Variants in MGAM2 observed in about 807,000 individuals in gnomAD.
MGAM2 encodes the protein maltase-glucoamylase 2 (putative).
MGAM2 carries 98 observed loss-of-function variants against 96.1 expected under a neutral mutation model. The observed-to-expected ratio is 1.02, with a 90% confidence interval of 0.87 to 1.21. The LOEUF is 1.21. MGAM2 is among the 50% of genes most tolerant of loss of function. The probability of loss-of-function intolerance (pLI) is 0.00; values close to 1 mark genes in which losing one functional copy is unlikely to be tolerated. For synonymous variants in MGAM2, 749 were observed against 414.8 expected, an observed-to-expected ratio of 1.81 and a Z score of -9.79; for missense variants, 2,055 against 1,182.4, an observed-to-expected ratio of 1.74 and a Z score of -10.82.
chr7:142,183,143 C>T (rs1299300504), intron 32 of MGAM2, 123 bp from the exon 33 acceptor site: 1 of 580,722 alleles, frequency 1.7e-6, no homozygotes, highest in East Asian at 2.8e-5. Flanking sequence ...TATTTTATTT[C>T]ATTTTATTTT....
chr7:142,186,142 GTC>G lies in MGAM2; in HGVS notation c.4122+21_4122+22del. On this transcript the variant is annotated intron_variant, in intron 35 of 47. Transcript: ENST00000477922. ...GTGGATTGTAAGTGCACCCTTGGTTGTCTTTTTTTTTTTTTTGGAAATGTTAG... is the reference window on the plus strand; with the variant it reads ...GTGGATTGTAAGTGCACCCTTGGTTGTTTTTTTTTTTTTTGGAAATGTTAG... 1 of 654,128 alleles carries G rather than the reference GTC, an allele frequency of 1.5e-6. No homozygotes were observed. The highest frequency in any genetic ancestry group is 2.7e-6 in the Non-Finnish European group (1 of 368,748). The allele number at this position is 654,128 out of a possible 1,614,324, so 40.5% of individuals were successfully genotyped here. A position where few individuals can be genotyped will look rare whatever the true frequency, so the allele number is the denominator to read the frequency against.
Position 142,187,750 on chromosome 7 carries a change from G to A in MGAM2, c.4123G>A (p.Asp1375Asn), listed in dbSNP as rs866169314. Reference protein sequence around the residue: ...KSLKFDGLWIDMNEPSNFVDG... With the variant: ...KSLKFDGLWINMNEPSNFVDG... ...ATCTTTTTTTGTTAACTCATTTCAG[G>A]ATATGAATGAGCCATCAAATTTTGT... Residue 1375 changes from aspartate to asparagine, a missense_variant and splice_region_variant, in exon 36 of 48, where the codon GAT becomes AAT. Physicochemically the swap from Asp to Asn is conservative, Grantham distance 23 (BLOSUM62 1). Coordinates refer to ENST00000477922, the MANE Select transcript of MGAM2 (RefSeq NM_001293626.2). 1.4e-6 allele frequency: 1 copy of A among 702,482 alleles called. No individual in the cohort carries two copies. The highest frequency in any genetic ancestry group is 2.6e-6 in the Non-Finnish European group (1 of 384,750). 43.5% of individuals were successfully genotyped at this position (702,482 alleles called of 1,614,324 possible).
chr7:142,193,104 A>G (rs1796922751), intron 37 of MGAM2, among the ~76,000 whole-genome samples: 1 of 152,066 alleles, frequency 6.6e-6, no homozygotes, highest in Non-Finnish European at 1.5e-5. Context: ...CTCATATTCA[A>G]GCTGTTTGAA....
chr7:142,175,045 G>T (rs2129091891), intron 31 of MGAM2, among the ~76,000 whole-genome samples: 1 of 152,190 alleles, frequency 6.6e-6, no homozygotes, highest in African/African-American at 2.4e-5. Context: ...TTGCCTGATT[G>T]CCCTGGCCAG....
chr7:142,182,611 C>G (rs1397559240), intron 32 of MGAM2, among the ~76,000 whole-genome samples: 1 of 152,162 alleles, frequency 6.6e-6, no homozygotes, highest in Non-Finnish European at 1.5e-5. Context: ...CTTGCCAATT[C>G]AAATGTCTAT....
chr7:142,144,124 T>C, intron 13 of MGAM2: 1 of 305,274 alleles, frequency 3.3e-6, no homozygotes, highest in Non-Finnish European at 6.1e-6. Context: ...GTTTTTGCTT[T>C]CTCCATTAAC....
At chr7:142,146,885 G>A (rs1325568780) in intron 14 of MGAM2, among the ~76,000 whole-genome samples, 1 of 151,992 alleles carries the variant, frequency 6.6e-6, no homozygotes, top group Non-Finnish European at 1.5e-5. Flanking sequence ...ACACCACCAT[G>A]CCTGGCTAAT....
In MGAM2 at chr7:142,192,031, G is replaced by T. The variant is rs75205786; in HGVS notation, c.4346+2526G>T. ...TGGGAAATTTCAGACTTGTTCTTTA[G>T]TTCTTCCCAGGACAGAGTGTGATCT... On this transcript the variant is annotated intron_variant, in intron 37 of 47. Transcript: ENST00000477922. 2.1e-3 allele frequency among the ~76,000 whole-genome samples: 312 copies of T among 152,026 alleles called. 3 individuals are homozygous for T. The highest frequency in any genetic ancestry group is 6.9e-3 in the African/African-American group (288 of 41,462).
intron 3 of MGAM2, among the ~76,000 whole-genome samples, chr7:142,129,284 C>T (rs965045850): frequency 2.0e-5 from 3 of 152,166 alleles, no homozygotes; most frequent in East Asian, 3.9e-4. Flanking sequence ...TTTGATTTTA[C>T]AGGCTCATAG....
chr7:142,132,431 A>G (rs1423099834), intron 6 of MGAM2, among the ~76,000 whole-genome samples: 1 of 140,374 alleles, frequency 7.1e-6, no homozygotes, highest in African/African-American at 2.6e-5. Context: ...TATTACTATT[A>G]ATATAATTAA....
chr7:142,160,708 A>G (rs1332088721), intron 21 of MGAM2, among the ~76,000 whole-genome samples: 1 of 151,354 alleles, frequency 6.6e-6, no homozygotes, highest in Non-Finnish European at 1.5e-5. Context: ...TACCTTGGGT[A>G]ACTTACTTCT....
At chr7:142,213,833 G>A (rs901063587) in intron 46 of MGAM2, among the ~76,000 whole-genome samples, 4 of 152,148 alleles carry the variant, frequency 2.6e-5, no homozygotes, top group African/African-American at 9.7e-5. Flanking sequence ...GCATCATCCT[G>A]ATACCAACAC....
intron 4 of MGAM2, 82 bp from the exon 5 acceptor site, chr7:142,131,436 C>CAAAACAA: frequency 1.5e-6 from 1 of 661,024 alleles, no homozygotes; most frequent in East Asian, 2.7e-5. Flanking sequence ...GACTCCATCT[C>CAAAACAA]AAAACAAAAA....
intron 37 of MGAM2, among the ~76,000 whole-genome samples, chr7:142,190,691 G>T (rs888059067): frequency 1.3e-5 from 2 of 151,736 alleles, no homozygotes; most frequent in African/African-American, 4.8e-5. Context: ...TTCTAATGGG[G>T]GTAAAGTGAT....
At chr7:142,183,006 A>G (rs1231093469) in intron 32 of MGAM2, among the ~76,000 whole-genome samples, 1 of 151,976 alleles carries the variant, frequency 6.6e-6, no homozygotes, top group African/African-American at 2.4e-5. Flanking sequence ...AGATTCTTAT[A>G]CCCTTTGAAA....
chr7:142,175,574 G>A (rs143853504), intron 31 of MGAM2, 78 bp from the exon 32 acceptor site: 5 of 665,296 alleles, frequency 7.5e-6, no homozygotes, highest in African/African-American at 5.4e-5. Flanking sequence ...GCAGGACCAG[G>A]GGCCTGGCAG....
chr7:142,163,902 G>A lies in MGAM2; in HGVS notation c.2485-954G>A, dbSNP rs950830905. ...TCTATATATTTACATTTTTAATTTTGATGAATCTAATTTATCATTATTTTC... is the reference window on the plus strand; with the variant it reads ...TCTATATATTTACATTTTTAATTTTAATGAATCTAATTTATCATTATTTTC... On this transcript the variant is annotated intron_variant, in intron 23 of 47. Coordinates refer to ENST00000477922, the MANE Select transcript of MGAM2 (RefSeq NM_001293626.2). Among the ~76,000 whole-genome samples the A allele has an allele frequency of 4.0e-5, 6 of 151,848 alleles. No individual in the cohort carries two copies. In the East Asian group the frequency reaches 1.2e-3, roughly 29 times the overall value.
chr7:142,190,122 T>C (rs1170853638), intron 37 of MGAM2, among the ~76,000 whole-genome samples: 1 of 152,052 alleles, frequency 6.6e-6, no homozygotes, highest in African/African-American at 2.4e-5. Context: ...ATTATGTGAA[T>C]ATTTATGTGC....
intron 42 of MGAM2, 116 bp downstream of exon 42, chr7:142,197,844 T>G: frequency 1.5e-6 from 1 of 664,594 alleles, no homozygotes; most frequent in Non-Finnish European, 2.7e-6. Flanking sequence ...CGAATGCCTT[T>G]CTAGAACATC....
Sources: allele counts gnomAD v4.1 joint callset (sites outside exome capture counted in the v4.1 genomes callset), GRCh38; gene constraint gnomAD v4.1.1; transcripts MANE v1.5; gene names NCBI Gene and HGNC (gene_info 2026-07-23, HGNC 2026-07-21).